The following PODXL variants were observed in gnomAD, a reference collection of about 807,000 sequenced individuals.
PODXL encodes podocalyxin.
Under a neutral mutation model 48.9 loss-of-function variants are expected in PODXL, and 20 were observed. That is an observed-to-expected ratio of 0.41 (90% confidence interval 0.29 to 0.59). The LOEUF is 0.59. Among genes scored for constraint, PODXL ranks in the 20% least tolerant of loss-of-function variants. The pLI is 0.31. For synonymous variants in PODXL, 295 were observed against 287.4 expected (o/e 1.03, Z -0.27); for missense variants, 606 against 675.1 (o/e 0.90, Z 1.13).
intron 1 of PODXL, among the ~76,000 whole-genome samples, chr7:131,517,232 T>C (rs1470968319): frequency 6.6e-6 from 1 of 152,140 alleles, no homozygotes; most frequent in Non-Finnish European, 1.5e-5. Flanking sequence ...TAACAGAATT[T>C]CGTTTCCAGG....
Position 131,506,002 on chromosome 7 carries a change from C to T in PODXL, c.1345G>A (p.Gly449Arg), listed in dbSNP as rs1797793818. The change falls in exon 8 of 9, where the codon GGG (glycine) becomes AGG (arginine). Residue 449 changes from glycine (G) to arginine (R), a missense_variant. Gly to Arg is a moderately radical substitution (Grantham distance 125). Transcript: ENST00000378555. ...CGGTCCTCGGCCTCCTCCGGTGGCC[C>T]CTGGTCCCCTAGCTTCATGTCACTG... is the stretch of plus-strand genomic sequence containing the variant. ...GVSDMKLGDQ[G>R]PPEEAEDRFS... is the part of the protein sequence containing the mutation. 6.2e-7 allele frequency: 1 copy of T among 1,612,732 alleles called. No homozygotes were observed.
At chr7:131,508,591 CAA>C (rs1797850216) in intron 5 of PODXL, among the ~76,000 whole-genome samples, 1 of 151,740 alleles carries the variant, frequency 6.6e-6, no homozygotes, top group Non-Finnish European at 1.5e-5. Flanking sequence ...ATCTGAAACC[CAA>C]AGAGATCAAC....
At chr7:131,550,622 C>T (rs1409094835) in intron 1 of PODXL, among the ~76,000 whole-genome samples, 1 of 151,510 alleles carries the variant, frequency 6.6e-6, no homozygotes, top group Non-Finnish European at 1.5e-5. Context: ...GGCAACACAG[C>T]GAGATTCCAT....
intron 1 of PODXL, 139 bp from the exon 2 acceptor site, chr7:131,511,572 TC>T: frequency 1.3e-6 from 1 of 787,266 alleles, no homozygotes; most frequent in Non-Finnish European, 2.0e-6. Flanking sequence ...CTTTGGTGAA[TC>T]CAGAATTTTC....
chr7:131,556,379 CG>C lies in PODXL; in HGVS notation c.-21del. 7.3e-7 allele frequency: 1 copy of C among 1,370,392 alleles called. No homozygotes were observed. The allele number at this position is 1,370,392 out of a possible 1,614,324, so 84.9% of individuals were successfully genotyped here. On this transcript the variant is annotated 5_prime_UTR_variant, in exon 1 of 9. Transcript: ENST00000378555. ...GCGCATCGTGTCGTCGCCTCTGGGC[CG>C]GGAGCAGGTGGCTGCGGTGCCGGCG...
At chr7:131,523,362 A>G (rs946125434) in intron 1 of PODXL, among the ~76,000 whole-genome samples, 13 of 152,184 alleles carry the variant, frequency 8.5e-5, no homozygotes, top group Non-Finnish European at 1.8e-4. Context: ...AATCAATGCA[A>G]TTCAACACAT....
At chr7:131,512,994 CAAA>C (rs60701480) in intron 1 of PODXL, among the ~76,000 whole-genome samples, 1 of 95,812 alleles carries the variant, frequency 1.0e-5, no homozygotes. Flanking sequence ...GACTCCGTCT[CAAA>C]AAAAAAAAAA....
chr7:131,544,015 A>G (rs903118759), intron 1 of PODXL, among the ~76,000 whole-genome samples: 2 of 152,184 alleles, frequency 1.3e-5, no homozygotes, highest in African/African-American at 2.4e-5. Context: ...GGGAAATACT[A>G]AACAGGAAGG....
intron 1 of PODXL, among the ~76,000 whole-genome samples, chr7:131,537,438 T>G (rs1161123883): frequency 6.6e-6 from 1 of 151,710 alleles, no homozygotes; most frequent in African/African-American, 2.4e-5. Context: ...AATACAAAAA[T>G]CAGCTGGGCA....
intron 1 of PODXL, among the ~76,000 whole-genome samples, chr7:131,524,407 G>A (rs1243425845): frequency 2.1e-5 from 3 of 144,918 alleles, no homozygotes; most frequent in Admixed American, 6.8e-5. Flanking sequence ...GAGAGAGAGA[G>A]AAAACAACAA....
At chr7:131,505,616 GA>G (rs1235679151) in intron 8 of PODXL, among the ~76,000 whole-genome samples, 1 of 151,998 alleles carries the variant, frequency 6.6e-6, no homozygotes, top group African/African-American at 2.4e-5. Flanking sequence ...GACCCTGTCT[GA>G]AAAAAATAAT....
intron 1 of PODXL, among the ~76,000 whole-genome samples, chr7:131,516,180 C>T (rs1797992538): frequency 6.6e-6 from 1 of 152,188 alleles, no homozygotes; most frequent in Non-Finnish European, 1.5e-5. Context: ...GAAACCTGGA[C>T]TCAATGGAAA....
chr7:131,546,506 A>T (rs1410610919), intron 1 of PODXL, among the ~76,000 whole-genome samples: 3 of 151,950 alleles, frequency 2.0e-5, no homozygotes, highest in Non-Finnish European at 4.4e-5. Flanking sequence ...CGGGCGGATC[A>T]CTTGAGGCCG....
intron 1 of PODXL, among the ~76,000 whole-genome samples, chr7:131,541,748 C>T (rs1166774370): frequency 1.3e-5 from 2 of 152,236 alleles, no homozygotes; most frequent in East Asian, 3.9e-4. Context: ...CCCTTGTCCC[C>T]TGCCAGGGCC....
chr7:131,504,537 G>A lies in PODXL; in HGVS notation c.1480-29C>T, dbSNP rs778493142. On this transcript the variant is annotated intron_variant, in intron 8 of 8. Coordinates refer to ENST00000378555, the MANE Select transcript of PODXL (RefSeq NM_001018111.3). Reference sequence around the variant, plus strand: ...GAGTGGGGAAGGTGACCGGTGAGAAGGGGGTTTCAGAGGGCTCTGAGCTTA... The same window carrying A: ...GAGTGGGGAAGGTGACCGGTGAGAAAGGGGTTTCAGAGGGCTCTGAGCTTA... The A allele has an allele frequency of 2.1e-5, 33 of 1,599,628 alleles. No homozygotes were observed. In the Admixed American group the frequency reaches 5.2e-4, roughly 25 times the overall value.
In PODXL at chr7:131,509,435, G is replaced by A. The variant is rs745919500; in HGVS notation, c.953C>T (p.Pro318Leu). The part of the protein sequence containing the change: ...PTLPETMSSS[P>L]TAASTTHRYP... ...TCGGTGGGTAGTTGATGCTGCTGTGGGGCTGGAGCTCATGGTCTCTGGCAG... is the reference window on the plus strand; with the variant it reads ...TCGGTGGGTAGTTGATGCTGCTGTGAGGCTGGAGCTCATGGTCTCTGGCAG... The change falls in exon 4 of 9, where the codon CCC becomes CTC. Residue 318 changes from proline to leucine, a missense_variant. Coordinates refer to ENST00000378555, the MANE Select transcript of PODXL (RefSeq NM_001018111.3). 84 of 1,613,978 alleles carry A rather than the reference G, an allele frequency of 5.2e-5. No individual in the cohort carries two copies. The highest frequency in any genetic ancestry group is 3.5e-4 in the South Asian group (32 of 91,066).
chr7:131,551,593 T>C (rs1287196656), intron 1 of PODXL, among the ~76,000 whole-genome samples: 1 of 152,122 alleles, frequency 6.6e-6, no homozygotes, highest in African/African-American at 2.4e-5. Context: ...CGTCCCCTCC[T>C]GAGAAGTCCA....
rs1797698942 is a variant in PODXL, at chr7:131,501,260, A to G, written c.*3051T>C. 1 of 152,596 alleles carries G rather than the reference A, an allele frequency of 6.6e-6. No individual in the cohort carries two copies. The highest frequency in any genetic ancestry group is 1.5e-5 in the Non-Finnish European group (1 of 68,026). 9.5% of individuals were successfully genotyped at this position (152,596 alleles called of 1,614,324 possible). A position where few individuals can be genotyped will look rare whatever the true frequency, so the allele number is the denominator to read the frequency against. On this transcript the variant is annotated 3_prime_UTR_variant, in exon 9 of 9. Transcript: ENST00000378555. ...TCCTGTCCAGAGAAAAAACTTGGCC[A>G]TCACTCAGCTAACATAATGCTTTTT...
intron 1 of PODXL, among the ~76,000 whole-genome samples, chr7:131,526,739 C>CTTTTTTTTTTTTTTTTTTTTTTTTTT (rs57935236): frequency 1.1e-5 from 1 of 90,498 alleles, no homozygotes. Flanking sequence ...CTTCCTTACT[C>CTTTTTTTTTTTTTTTTTTTTTTTTTT]TTTTTTTTTT....
Sources: allele counts gnomAD v4.1 joint callset (sites outside exome capture counted in the v4.1 genomes callset), GRCh38; gene constraint gnomAD v4.1.1; transcripts MANE v1.5; gene names NCBI Gene and HGNC (gene_info 2026-07-23, HGNC 2026-07-21).